The following ANKRD17 variants were observed in gnomAD, a reference collection of about 807,000 sequenced individuals.
ANKRD17 encodes the protein ankyrin repeat domain-containing protein 17.
Under a neutral mutation model 229.7 loss-of-function variants are expected in ANKRD17, and 19 were observed. The observed-to-expected ratio is 0.08, with a 90% CI of 0.06 to 0.12. The LOEUF (loss-of-function observed/expected upper bound fraction) is 0.12. Ranked by LOEUF, ANKRD17 falls within the 10% of genes least tolerant of loss-of-function variation. The probability of loss-of-function intolerance (pLI) is 1.00; values close to 1 mark genes in which losing one functional copy is unlikely to be tolerated. For synonymous variants in ANKRD17, 1,112 were observed against 1,146.1 expected (o/e 0.97, Z 0.60); for missense variants, 2,176 against 3,176.8 (o/e 0.68, Z 7.57).
chr4:73,165,990 T>C (rs539832885), intron 2 of ANKRD17, among the ~76,000 whole-genome samples: 3 of 152,282 alleles, frequency 2.0e-5, no homozygotes, highest in African/African-American at 7.2e-5. Context: ...CTTGAGACCA[T>C]AAGCAAGAGA....
chr4:73,142,314 A>G lies in ANKRD17; in HGVS notation c.2157T>C (p.Tyr719=). 6.4e-7 allele frequency: 1 copy of G among 1,571,878 alleles called. No homozygotes were observed. The highest frequency in any genetic ancestry group is 1.2e-5 in the South Asian group (1 of 82,140). The change falls in exon 13 of 34, where the codon TAT becomes TAC. Residue 719 remains tyrosine, a synonymous_variant. Coordinates refer to ENST00000358602, the MANE Select transcript of ANKRD17 (RefSeq NM_032217.5). ...GAGGGGCTGAAAGCAAGTTATTAGGATAATCCAAGAGATAGCAAACAACAC... is the reference window on the plus strand; with the variant it reads ...GAGGGGCTGAAAGCAAGTTATTAGGGTAATCCAAGAGATAGCAAACAACAC... ...HTSVVCYLLD[Y]PNNLLSAPPP... is the part of the protein sequence containing the mutation.
At position 73,099,115 on chromosome 4, in the gene ANKRD17, C is replaced by G. The variant is rs753990109; in HGVS notation, c.4574-595G>C. 3 of 747,928 alleles carry G rather than the reference C, an allele frequency of 4.0e-6. No homozygotes were observed. In the Admixed American group the frequency reaches 5.8e-5, roughly 14 times the overall value. The allele number at this position is 747,928 out of a possible 1,614,324, so 46.3% of individuals were successfully genotyped here. A position where few individuals can be genotyped will look rare whatever the true frequency, so the allele number is the denominator to read the frequency against. ...TGGAGAAGGAGGAAGAGGAGGGCAT[C>G]TGGCAGGAGTCCTCAGAGGAGGAGC... On this transcript the variant is annotated intron_variant, in intron 25 of 33. Coordinates refer to ENST00000358602, the MANE Select transcript of ANKRD17 (RefSeq NM_032217.5).
chr4:73,210,645 T>C (rs1578404751), intron 1 of ANKRD17, among the ~76,000 whole-genome samples: 1 of 152,176 alleles, frequency 6.6e-6, no homozygotes, highest in Non-Finnish European at 1.5e-5. Flanking sequence ...TTCAACCAAA[T>C]TGCATTTTAT....
chr4:73,212,934 G>A (rs1740500029), intron 1 of ANKRD17, among the ~76,000 whole-genome samples: 1 of 151,002 alleles, frequency 6.6e-6, no homozygotes, highest in Non-Finnish European at 1.5e-5. Context: ...GGCGGAGACA[G>A]GAGAAATGCT....
chr4:73,098,948 G>A (rs935172907), intron 25 of ANKRD17: 3 of 998,488 alleles, frequency 3.0e-6, no homozygotes, highest in Non-Finnish European at 4.8e-6. Context: ...AGCACTGGTA[G>A]GGAGTCAGAA....
intron 1 of ANKRD17, among the ~76,000 whole-genome samples, chr4:73,199,323 C>T (rs566902444): frequency 1.3e-5 from 2 of 151,784 alleles, no homozygotes; most frequent in African/African-American, 4.8e-5. Flanking sequence ...AAAAGCCAGC[C>T]AGAAAGACAA....
In ANKRD17 at chr4:73,214,736, G is replaced by A. The variant is rs547082155; in HGVS notation, c.394-37203C>T. On this transcript the variant is annotated intron_variant, in intron 1 of 33. Transcript: ENST00000358602. ...TTTCAATCTTAGGCCAGGTGCAGTC[G>A]CTCACGCCTGTAATGCTAGCGCTTT... Among the ~76,000 whole-genome samples, 85 of 150,862 alleles carry A rather than the reference G, an allele frequency of 5.6e-4. 1 individual carries two copies. The South Asian group carries it at 0.015, about 27-fold the overall frequency.
chr4:73,200,261 A>C (rs561284764), intron 1 of ANKRD17, among the ~76,000 whole-genome samples: 2 of 152,294 alleles, frequency 1.3e-5, no homozygotes, highest in African/African-American at 4.8e-5. Flanking sequence ...TCTTTGTCTC[A>C]GAACAGTGGT....
At chr4:73,231,931 G>A (rs992244205) in intron 1 of ANKRD17, among the ~76,000 whole-genome samples, 2 of 152,238 alleles carry the variant, frequency 1.3e-5, no homozygotes, top group African/African-American at 4.8e-5. Context: ...AGTTACTGGA[G>A]GGTGGCACGC....
At chr4:73,144,855 A>C in intron 10 of ANKRD17, 23 bp from the exon 11 acceptor site, 1 of 1,449,722 alleles carries the variant, frequency 6.9e-7, no homozygotes. Flanking sequence ...AAAAAAAAAG[A>C]CTTGACATTT....
At chr4:73,192,749 T>C (rs941521647) in intron 1 of ANKRD17, among the ~76,000 whole-genome samples, 1 of 152,216 alleles carries the variant, frequency 6.6e-6, no homozygotes, top group African/African-American at 2.4e-5. Context: ...CTGGTACATG[T>C]AACTCATCTG....
At chr4:73,231,648 G>A (rs777600966) in intron 1 of ANKRD17, among the ~76,000 whole-genome samples, 1 of 152,148 alleles carries the variant, frequency 6.6e-6, no homozygotes, top group Non-Finnish European at 1.5e-5. Flanking sequence ...TCTTCAAAGT[G>A]GTTATGTGGC....
At chr4:73,191,341 A>ATATATGTGTGTGTGTGTGTGTG (rs1553933228) in intron 1 of ANKRD17, among the ~76,000 whole-genome samples, 4 of 125,244 alleles carry the variant, frequency 3.2e-5, no homozygotes, top group East Asian at 4.9e-4. Context: ...AAAAATATAT[A>ATATATGTGTGTGTGTGTGTGTG]TGTGTGTGTG....
At chr4:73,193,531 C>G (rs1452814671) in intron 1 of ANKRD17, among the ~76,000 whole-genome samples, 1 of 152,162 alleles carries the variant, frequency 6.6e-6, no homozygotes, top group Non-Finnish European at 1.5e-5. Context: ...GGCTTTTCCC[C>G]CCTTTGTAGT....
intron 1 of ANKRD17, among the ~76,000 whole-genome samples, chr4:73,205,719 C>T (rs573808989): frequency 6.6e-6 from 1 of 152,134 alleles, no homozygotes; most frequent in South Asian, 2.1e-4. Context: ...GCTCAAATAA[C>T]AAAAGTAAAA....
intron 30 of ANKRD17, among the ~76,000 whole-genome samples, chr4:73,084,882 C>T (rs533798646): frequency 9.2e-5 from 14 of 151,942 alleles, no homozygotes; most frequent in African/African-American, 3.4e-4. Context: ...AATTTTTTTC[C>T]CCCAAAAAAT....
Position 73,175,020 on chromosome 4 carries a change from T to C in ANKRD17, c.547+2360A>G, listed in dbSNP as rs530555737. The stretch of plus-strand genomic sequence containing the variant: ...TACCCCAAGCAACTTACAGAGTCAA[T>C]GCAATTCCTATCAAAATACTAATGA... On this transcript the variant is annotated intron_variant, in intron 2 of 33. Transcript: ENST00000358602. Among the ~76,000 whole-genome samples the C allele has an allele frequency of 2.6e-5, 4 of 152,296 alleles. No individual in the cohort carries two copies. In the South Asian group the frequency reaches 8.3e-4, roughly 32 times the overall value.
In ANKRD17 at chr4:73,144,728, G is replaced by A; in HGVS notation, c.1957+17C>T. 1 of 1,514,322 alleles carries A rather than the reference G, an allele frequency of 6.6e-7. No individual in the cohort carries two copies. Among genetic ancestry groups the A allele is most frequent in the Admixed American group, 2.3e-5 (1 of 44,038 alleles). 93.8% of individuals were successfully genotyped at this position (1,514,322 alleles called of 1,614,324 possible). A position where few individuals can be genotyped will look rare whatever the true frequency, so the allele number is the denominator to read the frequency against. ...AGATACCTTTCAAAAAAAGACAACT[G>A]TTTTATACAAACCTACCTTTACTAA... On this transcript the variant is annotated intron_variant, in intron 11 of 33. Coordinates refer to ENST00000358602, the MANE Select transcript of ANKRD17 (RefSeq NM_032217.5).
At chr4:73,236,565 A>C (rs747628998) in intron 1 of ANKRD17, among the ~76,000 whole-genome samples, 8 of 152,206 alleles carry the variant, frequency 5.3e-5, no homozygotes, top group Non-Finnish European at 1.2e-4. Flanking sequence ...GATGTATTTA[A>C]GTAAATGTTG....
Sources: allele counts gnomAD v4.1 joint callset (sites outside exome capture counted in the v4.1 genomes callset), GRCh38; gene constraint gnomAD v4.1.1; transcripts MANE v1.5; gene names NCBI Gene and HGNC (gene_info 2026-07-23, HGNC 2026-07-21).